CCDC125: variants seen among roughly 807,000 people sequenced by gnomAD.
CCDC125 encodes coiled-coil domain containing 125.
In CCDC125, 43 loss-of-function variants were observed where a neutral mutation model predicts 57.4. The ratio of observed to expected loss-of-function variants is 0.75; its 90% CI spans 0.59 to 0.97. CCDC125 has a LOEUF of 0.97. CCDC125 is among the 50% of genes least tolerant of loss of function. The pLI is 0.00. For synonymous variants in CCDC125, 187 were observed against 195.2 expected, an observed-to-expected ratio of 0.96 and a Z score of 0.35; for missense variants, 563 against 595.7, an observed-to-expected ratio of 0.95 and a Z score of 0.57.
intron 9 of CCDC125, among the ~76,000 whole-genome samples, chr5:69,293,390 G>A (rs766287418): frequency 3.3e-5 from 5 of 151,954 alleles, no homozygotes; most frequent in Admixed American, 2.0e-4. Flanking sequence ...AGTGGCTCAC[G>A]CCTGTAATCC....
intron 1 of CCDC125, among the ~76,000 whole-genome samples, chr5:69,325,459 C>T (rs77881181): frequency 0.016 from 2,444 of 151,676 alleles, 35 homozygotes; most frequent in Non-Finnish European, 0.025. Flanking sequence ...TTATTAAGTA[C>T]GAAAATTAAA....
chr5:69,325,366 G>A lies in CCDC125; in HGVS notation c.-40-4786C>T, dbSNP rs529989117. 2.6e-4 allele frequency among the ~76,000 whole-genome samples: 39 copies of A among 149,160 alleles called. 1 individual carries two copies. In the South Asian group the frequency reaches 8.1e-3, roughly 31 times the overall value. ...AAAGATGTAATAATACCTAGCACTT[G>A]TTGCCTGCTTTCCATGTGCTAGACA... On this transcript the variant is annotated intron_variant, in intron 1 of 11. Transcript: ENST00000396496.
intron 1 of CCDC125, among the ~76,000 whole-genome samples, chr5:69,329,442 C>T (rs1219036607): frequency 6.6e-6 from 1 of 151,934 alleles, no homozygotes; most frequent in Non-Finnish European, 1.5e-5. Context: ...TCTGCCTCGG[C>T]CTCCCAAAGT....
chr5:69,275,064 CAAA>C, the CCDC125 span, among the ~76,000 whole-genome samples: 6 of 107,076 alleles, frequency 5.6e-5, no homozygotes, highest in Non-Finnish European at 1.0e-4. Context: ...ACTCTGTATC[CAAA>C]AAAAAAAAAA....
At position 69,320,518 on chromosome 5, in the gene CCDC125, G is replaced by A. The variant is rs1452850768; in HGVS notation, c.23C>T (p.Ser8Leu). 2 of 1,611,096 alleles carry A rather than the reference G, an allele frequency of 1.2e-6. No homozygotes were observed. The highest frequency in any genetic ancestry group is 3.3e-5 in the Admixed American group (2 of 59,752). Reference sequence around the variant, plus strand: ...CCAGAGCTGCACGTCTGACTCACTTGATGATCTTGCCACCTTGCTCATGAG... The same window carrying A: ...CCAGAGCTGCACGTCTGACTCACTTAATGATCTTGCCACCTTGCTCATGAG... Reference protein sequence around the residue: MSKVARSSSESDVQLWET... With the variant: MSKVARSLSESDVQLWET... Residue 8 changes from serine (S) to leucine (L), a missense_variant, in exon 2 of 12, where the codon TCA (serine) becomes TTA (leucine). Ser to Leu is a moderately radical substitution (Grantham distance 145). Transcript: ENST00000396496.
chr5:69,299,915 T>G, intron 8 of CCDC125, 97 bp downstream of exon 8: 2 of 970,060 alleles, frequency 2.1e-6, no homozygotes, highest in Non-Finnish European at 3.3e-6. Context: ...AATTGCTAAG[T>G]ATGTGCTATC....
chr5:69,314,476 T>A (rs1478337732), intron 2 of CCDC125, among the ~76,000 whole-genome samples: 3 of 140,014 alleles, frequency 2.1e-5, no homozygotes, highest in African/African-American at 5.3e-5. Flanking sequence ...AAAAAAAAAA[T>A]TATAACAGAC....
Position 69,311,155 on chromosome 5 carries a change from C to G in CCDC125, c.416G>C (p.Arg139Thr). 1 of 1,612,166 alleles carries G rather than the reference C, an allele frequency of 6.2e-7. No homozygotes were observed. Residue 139 changes from arginine (R) to threonine (T), a missense_variant, in exon 4 of 12, where the codon AGA becomes ACA. Coordinates refer to ENST00000396496, the MANE Select transcript of CCDC125 (RefSeq NM_176816.5). ...TELEASQRQL[R>T]GKEEALKILQ... Reference sequence around the variant, plus strand: ...AATTTTCAATGCTTCCTCTTTACCTCTGAGTTGTCTTTGAGATGCCTCAAG... The same window carrying G: ...AATTTTCAATGCTTCCTCTTTACCTGTGAGTTGTCTTTGAGATGCCTCAAG...
intron 1 of CCDC125, among the ~76,000 whole-genome samples, chr5:69,322,994 G>A (rs1039287329): frequency 1.3e-5 from 2 of 151,808 alleles, no homozygotes; most frequent in Admixed American, 6.6e-5. Flanking sequence ...AAGCTACAGA[G>A]CAACATTCTA....
chr5:69,311,132 T>C lies in CCDC125; in HGVS notation c.439A>G (p.Ile147Val), dbSNP rs928629192. The change falls in exon 4 of 12, where the codon ATT (isoleucine) becomes GTT (valine). Residue 147 changes from isoleucine (I) to valine (V), a missense_variant. Coordinates refer to ENST00000396496, the MANE Select transcript of CCDC125 (RefSeq NM_176816.5). ...QLRGKEEALK[I>V]LQSMAILGKA... ...CAACTTCTTACCATGCTTTGAAGAA[T>C]TTTCAATGCTTCCTCTTTACCTCTG... 1 of 1,606,398 alleles carries C rather than the reference T, an allele frequency of 6.2e-7. No individual in the cohort carries two copies. Among genetic ancestry groups the C allele is most frequent in the Non-Finnish European group, 8.5e-7 (1 of 1,174,818 alleles).
intron 9 of CCDC125, chr5:69,294,307 CT>C (rs563046305): frequency 0.015 from 2,565 of 168,126 alleles, 10 homozygotes; most frequent in Non-Finnish European, 0.018. Flanking sequence ...ATGCCAAGTA[CT>C]TTTTTTTTTT....
At chr5:69,308,311 G>A (rs956384776) in intron 4 of CCDC125, 8 of 417,092 alleles carry the variant, frequency 1.9e-5, no homozygotes, top group African/African-American at 8.0e-5. Context: ...CATCTGATAC[G>A]GTTTGGCTCT....
At chr5:69,322,307 T>C (rs1477832766) in intron 1 of CCDC125, among the ~76,000 whole-genome samples, 4 of 152,022 alleles carry the variant, frequency 2.6e-5, no homozygotes, top group Non-Finnish European at 1.5e-5. Context: ...TACTCTACAT[T>C]CAATAAATAC....
intron 3 of CCDC125, among the ~76,000 whole-genome samples, chr5:69,312,606 C>T (rs532852445): frequency 6.6e-5 from 10 of 152,060 alleles, no homozygotes; most frequent in Non-Finnish European, 1.2e-4. Flanking sequence ...CGGGGAAGGC[C>T]GGTGGAAGGA....
At chr5:69,329,186 T>C (rs1436339917) in intron 1 of CCDC125, among the ~76,000 whole-genome samples, 1 of 151,974 alleles carries the variant, frequency 6.6e-6, no homozygotes, top group Non-Finnish European at 1.5e-5. Flanking sequence ...GTATTTATTT[T>C]TATATGGACA....
intron 9 of CCDC125, chr5:69,294,068 G>T: frequency 2.5e-6 from 2 of 810,616 alleles, no homozygotes; most frequent in Non-Finnish European, 3.0e-6. Context: ...TGCAAACCTA[G>T]GTCTGGCTGG....
chr5:69,292,797 A>C (rs559813833), intron 9 of CCDC125, among the ~76,000 whole-genome samples: 2 of 152,048 alleles, frequency 1.3e-5, no homozygotes, highest in South Asian at 4.2e-4. Context: ...GACTTTGATC[A>C]ATGTAATCTC....
intron 2 of CCDC125, among the ~76,000 whole-genome samples, chr5:69,315,263 T>TAA (rs11460860): frequency 3.4e-5 from 5 of 147,614 alleles, no homozygotes; most frequent in African/African-American, 7.5e-5. Flanking sequence ...CTCGAAAAAA[T>TAA]AAAAAAAATA....
rs775381933 is a variant in CCDC125, at chr5:69,285,426, G to A, written c.1141C>T (p.Leu381=). The change falls in exon 11 of 12, where the codon CTG becomes TTG. Residue 381 remains leucine (L), a synonymous_variant. Transcript: ENST00000396496. ...TTTTCTGAAGGGAGCATACCCAACA[G>A]TCTCTGCCCGAAGGTCTTCTTACTC... ...PRSKKTFGQR[L]LGMLPSENSS... 1.2e-6 allele frequency: 2 copies of A among 1,609,472 alleles called. No homozygotes were observed. The highest frequency in any genetic ancestry group is 2.7e-5 in the African/African-American group (2 of 74,652).
Sources: allele counts gnomAD v4.1 joint callset (sites outside exome capture counted in the v4.1 genomes callset), GRCh38; gene constraint gnomAD v4.1.1; transcripts MANE v1.5; gene names NCBI Gene and HGNC (gene_info 2026-07-23, HGNC 2026-07-21).